Variants in IGF2R observed in about 807,000 individuals in gnomAD.
The protein encoded by IGF2R is insulin like growth factor 2 receptor, also known as cation-independent mannose-6-phosphate receptor.
In IGF2R, 91 loss-of-function variants were observed where a neutral mutation model predicts 270.6. That is an observed-to-expected ratio of 0.34 (90% CI 0.28 to 0.40). IGF2R has a LOEUF of 0.40. Among genes scored for constraint, IGF2R ranks in the 10% least tolerant of loss-of-function variants. The pLI is 1.00. For missense variants in IGF2R, 2,805 were observed against 3,188.3 expected, an observed-to-expected ratio of 0.88 and a Z score of 2.90; for synonymous variants, 1,316 against 1,258.9, an observed-to-expected ratio of 1.05 and a Z score of -0.96.
At chr6:160,043,764 C>T (rs1388789163) in intron 12 of IGF2R, among the ~76,000 whole-genome samples, 4 of 152,196 alleles carry the variant, frequency 2.6e-5, no homozygotes, top group Non-Finnish European at 5.9e-5. Flanking sequence ...GCAGAGACTT[C>T]TCAATTATTT....
chr6:159,981,342 TGTGTGTGTGAGTGTGTTTGTCTGAGTGC>T (rs1402884458), intron 1 of IGF2R, among the ~76,000 whole-genome samples: 3 of 151,946 alleles, frequency 2.0e-5, no homozygotes, highest in Non-Finnish European at 4.4e-5. Flanking sequence ...TGTCTGAGTG[TGTGTGTGTGAGTGTGTTTGTCTGAGTGC>T]GTGTGTCTCT....
chr6:160,057,381 TC>T (rs1415387989), intron 20 of IGF2R, among the ~76,000 whole-genome samples: 1 of 152,222 alleles, frequency 6.6e-6, no homozygotes, highest in East Asian at 1.9e-4. Flanking sequence ...CCTTCCCACT[TC>T]CTGTTCTAAG....
rs1265037574 is a variant in IGF2R at position 160,088,095 on chromosome 6, T to G, written c.6268T>G (p.Ser2090Ala). The G allele has an allele frequency of 6.2e-7, 1 of 1,613,962 alleles. No homozygotes were observed. Among genetic ancestry groups the G allele is most frequent in the African/African-American group, 1.3e-5 (1 of 74,924 alleles). Reference protein sequence around the residue: ...YPCGGNKTASSVIELTCTKTV... With the variant: ...YPCGGNKTASAVIELTCTKTV... ...GTGTGGTGGAAATAAGACCGCATCC[T>G]CCGTGATAGAATTGACCTGTACAAA... is the stretch of plus-strand genomic sequence containing the variant. The change falls in exon 42 of 48, where the codon TCC (serine) becomes GCC (alanine). Residue 2090 changes from serine (S) to alanine (A), a missense_variant. By Grantham distance (99) the Ser-to-Ala change is moderately conservative. Coordinates refer to ENST00000356956, the MANE Select transcript of IGF2R (RefSeq NM_000876.4).
At chr6:160,081,083 G>A (rs1324372943) in intron 39 of IGF2R, among the ~76,000 whole-genome samples, 1 of 150,976 alleles carries the variant, frequency 6.6e-6, no homozygotes, top group Non-Finnish European at 1.5e-5. Flanking sequence ...CCGAGATCAT[G>A]CCACTTCACT....
chr6:160,088,923 G>A (rs932556449), intron 42 of IGF2R, among the ~76,000 whole-genome samples, 184 bp from the exon 43 acceptor site: 5 of 152,180 alleles, frequency 3.3e-5, no homozygotes, highest in Non-Finnish European at 4.4e-5. Flanking sequence ...GTGTTGAGTC[G>A]GGAAATTCTG....
intron 43 of IGF2R, 147 bp downstream of exon 43, chr6:160,089,400 A>G: frequency 1.5e-6 from 1 of 667,570 alleles, no homozygotes; most frequent in Non-Finnish European, 2.4e-6. Flanking sequence ...TTTTGCTTAA[A>G]CTGAGGAAAA....
Position 160,103,734 on chromosome 6 carries a change from T to C in IGF2R, c.6996-12T>C. ...TACACTGGAGTAATTATTGTCTCCT[T>C]TTTTTTTATAGGGAAACAGTGATAA... On this transcript the variant is annotated splice_polypyrimidine_tract_variant and intron_variant, in intron 46 of 47. Coordinates refer to ENST00000356956, the MANE Select transcript of IGF2R (RefSeq NM_000876.4). The C allele has an allele frequency of 1.2e-6, 2 of 1,602,678 alleles. No homozygotes were observed. The highest frequency in any genetic ancestry group is 1.3e-5 in the African/African-American group (1 of 74,702).
At chr6:159,993,727 A>G (rs973997507) in intron 2 of IGF2R, among the ~76,000 whole-genome samples, 4 of 152,158 alleles carry the variant, frequency 2.6e-5, no homozygotes, top group African/African-American at 4.8e-5. Flanking sequence ...ATGGTTCCAT[A>G]TGAATTTTAG....
At chr6:160,093,378 G>A (rs1779273951) in intron 44 of IGF2R, 1 of 280,666 alleles carries the variant, frequency 3.6e-6, no homozygotes, top group Admixed American at 4.6e-5. Flanking sequence ...CTTCCCTCTT[G>A]TTGCCGTTGC....
At chr6:160,100,185 A>T (rs1161035687) in intron 45 of IGF2R, among the ~76,000 whole-genome samples, 2 of 152,202 alleles carry the variant, frequency 1.3e-5, no homozygotes, top group Non-Finnish European at 2.9e-5. Context: ...AGCTTGACTA[A>T]ACTTGTCAGC....
chr6:160,081,234 G>C (rs571868478), intron 39 of IGF2R, among the ~76,000 whole-genome samples: 2 of 152,052 alleles, frequency 1.3e-5, no homozygotes, highest in African/African-American at 4.8e-5. Flanking sequence ...AGTGTTGGCC[G>C]GTCTGAGAAA....
intron 29 of IGF2R, among the ~76,000 whole-genome samples, chr6:160,066,017 TTTTTTTTTTTTTAA>T (rs1472124770): frequency 6.8e-6 from 1 of 146,798 alleles, no homozygotes; most frequent in East Asian, 2.0e-4. Flanking sequence ...GTGGTGTTTT[TTTTTTTTTTTTTAA>T]TGAGACAGAG....
chr6:159,996,164 T>G (rs1481553273), intron 2 of IGF2R, among the ~76,000 whole-genome samples: 2 of 152,220 alleles, frequency 1.3e-5, no homozygotes, highest in African/African-American at 4.8e-5. Context: ...TGCTTGGGTG[T>G]GTGAGCAGGA....
chr6:160,056,577 C>A, intron 20 of IGF2R, 52 bp downstream of exon 20: 1 of 1,160,058 alleles, frequency 8.6e-7, no homozygotes, highest in South Asian at 1.2e-5. Flanking sequence ...TGGACATCCT[C>A]AACTCACCCC....
intron 4 of IGF2R, among the ~76,000 whole-genome samples, chr6:160,017,343 A>C (rs1777327642): frequency 6.6e-6 from 1 of 152,218 alleles, no homozygotes; most frequent in Non-Finnish European, 1.5e-5. Context: ...GAAATGAACG[A>C]AGTGTTTGAG....
At chr6:160,063,168 GC>G (rs1403297084) in intron 26 of IGF2R, among the ~76,000 whole-genome samples, 9 of 151,512 alleles carry the variant, frequency 5.9e-5, no homozygotes, top group Non-Finnish European at 2.9e-5. Context: ...CTCCTGAGTA[GC>G]TGGGACTACA....
rs781733968 is a variant in IGF2R, at chr6:160,032,546, G to A, written c.883-5G>A. 1.2e-6 allele frequency: 2 copies of A among 1,613,238 alleles called. No homozygotes were observed. Among genetic ancestry groups the A allele is most frequent in the South Asian group, 1.1e-5 (1 of 90,994 alleles). ...ATTTTGCTTCTTTCACATTGTTCCT[G>A]ATAGGGCACCATTCCCAAACTCACA... On this transcript the variant is annotated splice_region_variant and splice_polypyrimidine_tract_variant and intron_variant, in intron 7 of 47. Transcript: ENST00000356956.
At chr6:160,059,415 G>A (rs1360068107) in intron 22 of IGF2R, among the ~76,000 whole-genome samples, 1 of 152,158 alleles carries the variant, frequency 6.6e-6, no homozygotes, top group Non-Finnish European at 1.5e-5. Context: ...TTTTATTGTT[G>A]ATCTCTTGCT....
intron 19 of IGF2R, among the ~76,000 whole-genome samples, chr6:160,053,275 TG>T (rs779942166): frequency 1.3e-5 from 2 of 150,266 alleles, no homozygotes; most frequent in African/African-American, 4.9e-5. Flanking sequence ...TGTTGGGGGC[TG>T]GGGGGGAGGG....
Sources: gnomAD v4.1 joint callset for allele counts (sites outside exome capture counted in the v4.1 genomes callset) on GRCh38, gnomAD v4.1.1 for gene constraint, MANE v1.5 for transcripts, NCBI Gene and HGNC (gene_info 2026-07-23, HGNC 2026-07-21) for gene names.